The following MACROD2 variants were observed in gnomAD, a reference collection of about 807,000 sequenced individuals.
The protein encoded by MACROD2 is mono-ADP ribosylhydrolase 2, also known as ADP-ribose glycohydrolase MACROD2.
MACROD2 carries 36 observed loss-of-function variants against 70.4 expected under a neutral mutation model. The observed-to-expected ratio is 0.51, with a 90% CI of 0.39 to 0.68. The LOEUF (loss-of-function observed/expected upper bound fraction) is 0.68. Among genes scored for constraint, MACROD2 ranks in the 30% least tolerant of loss-of-function variants. MACROD2 has a pLI of 0.00. For synonymous variants in MACROD2, 172 were observed against 178.8 expected (o/e 0.96, Z 0.30); for missense variants, 496 against 538.4 (o/e 0.92, Z 0.78).
intron 7 of MACROD2, among the ~76,000 whole-genome samples, chr20:15,474,641 C>G (rs1031415666): frequency 6.6e-6 from 1 of 152,144 alleles, no homozygotes; most frequent in Non-Finnish European, 1.5e-5. Context: ...TACACAGTAA[C>G]TTCATACAAA....
intron 8 of MACROD2, among the ~76,000 whole-genome samples, chr20:15,628,605 T>C (rs1420325361): frequency 1.3e-5 from 2 of 152,222 alleles, no homozygotes; most frequent in Admixed American, 1.3e-4. Context: ...TTTTGTCTAT[T>C]AGAAACTTGG....
intron 5 of MACROD2, among the ~76,000 whole-genome samples, chr20:14,763,989 A>T (rs756743742): frequency 6.6e-6 from 1 of 152,020 alleles, no homozygotes; most frequent in Non-Finnish European, 1.5e-5. Context: ...TGCACTGAGT[A>T]TTTCCAGTTG....
chr20:14,748,106 C>T (rs1486156412), intron 5 of MACROD2, among the ~76,000 whole-genome samples: 2 of 152,046 alleles, frequency 1.3e-5, no homozygotes, highest in Non-Finnish European at 2.9e-5. Flanking sequence ...CCTTGATGAG[C>T]CTTTCCTTCT....
intron 8 of MACROD2, among the ~76,000 whole-genome samples, chr20:15,732,250 AC>A (rs1055478888): frequency 6.6e-6 from 1 of 152,008 alleles, no homozygotes; most frequent in African/African-American, 2.4e-5. Context: ...CACTGTGGAA[AC>A]CCAAATATGC....
chr20:14,163,320 A>G (rs1238897299), intron 3 of MACROD2, among the ~76,000 whole-genome samples: 2 of 152,102 alleles, frequency 1.3e-5, no homozygotes, highest in African/African-American at 4.8e-5. Flanking sequence ...ATCTGCTGTT[A>G]GTCTGATGGG....
intron 8 of MACROD2, among the ~76,000 whole-genome samples, chr20:15,793,878 G>A (rs868760323): frequency 1.2e-3 from 179 of 144,234 alleles, no homozygotes; most frequent in African/African-American, 4.4e-3. Context: ...ATTAAGAATG[G>A]GGATTTACAT....
intron 6 of MACROD2, among the ~76,000 whole-genome samples, chr20:15,329,223 C>A (rs1260157120): frequency 6.6e-6 from 1 of 152,030 alleles, no homozygotes; most frequent in African/African-American, 2.4e-5. Flanking sequence ...CCAGAAGATA[C>A]CATAATGAAA....
At chr20:15,352,417 A>G (rs2078237539) in intron 6 of MACROD2, among the ~76,000 whole-genome samples, 1 of 152,196 alleles carries the variant, frequency 6.6e-6, no homozygotes, top group Non-Finnish European at 1.5e-5. Context: ...TTTATATTCA[A>G]ATTGCTAAAA....
At chr20:15,173,181 C>G (rs1309846947) in intron 5 of MACROD2, among the ~76,000 whole-genome samples, 1 of 150,988 alleles carries the variant, frequency 6.6e-6, no homozygotes, top group Non-Finnish European at 1.5e-5. Flanking sequence ...AAGAAATTAT[C>G]CATTACTATT....
chr20:14,272,642 C>T (rs566000603), intron 3 of MACROD2, among the ~76,000 whole-genome samples: 2 of 143,188 alleles, frequency 1.4e-5, no homozygotes, highest in Admixed American at 7.1e-5. Context: ...TCACACATAA[C>T]AATATTAACT....
chr20:14,192,280 C>A (rs1007544125), intron 3 of MACROD2, among the ~76,000 whole-genome samples: 16 of 151,966 alleles, frequency 1.1e-4, no homozygotes, highest in African/African-American at 3.6e-4. Context: ...CTTCTTGAGG[C>A]TCAGTTTTAT....
chr20:15,275,553 A>T (rs1390685730), intron 6 of MACROD2, among the ~76,000 whole-genome samples: 1 of 152,226 alleles, frequency 6.6e-6, no homozygotes, highest in African/African-American at 2.4e-5. Flanking sequence ...AAGACTCTAG[A>T]TCAAAATGCA....
At chr20:15,183,591 T>C (rs1568622194) in intron 5 of MACROD2, among the ~76,000 whole-genome samples, 3 of 152,170 alleles carry the variant, frequency 2.0e-5, no homozygotes, top group African/African-American at 4.8e-5. Flanking sequence ...CTCTAGTATA[T>C]ACTCAAATAA....
chr20:15,785,435 T>C (rs2051909163), intron 8 of MACROD2, among the ~76,000 whole-genome samples: 1 of 152,158 alleles, frequency 6.6e-6, no homozygotes, highest in African/African-American at 2.4e-5. Context: ...GTCGTGATCC[T>C]GAAAGACGTA....
At chr20:14,861,386 G>A (rs1051139052) in intron 5 of MACROD2, among the ~76,000 whole-genome samples, 1 of 152,052 alleles carries the variant, frequency 6.6e-6, no homozygotes, top group African/African-American at 2.4e-5. Context: ...AGATTTTGAC[G>A]TAATGACTTT....
At chr20:15,758,243 T>C (rs2051378142) in intron 8 of MACROD2, among the ~76,000 whole-genome samples, 1 of 150,140 alleles carries the variant, frequency 6.7e-6, no homozygotes, top group East Asian at 1.9e-4. Flanking sequence ...AATTCTTTTT[T>C]TTTTTTTTTT....
At chr20:14,304,910 C>T (rs2082506688) in intron 3 of MACROD2, among the ~76,000 whole-genome samples, 1 of 152,070 alleles carries the variant, frequency 6.6e-6, no homozygotes, top group Non-Finnish European at 1.5e-5. Flanking sequence ...TGCTCTGGGA[C>T]TTTGCGCTTG....
At chr20:14,047,824 A>G (rs535614172) in intron 2 of MACROD2, among the ~76,000 whole-genome samples, 1 of 152,348 alleles carries the variant, frequency 6.6e-6, no homozygotes, top group African/African-American at 2.4e-5. Context: ...AGCAGTAGAT[A>G]GTAAAATGGT....
intron 9 of MACROD2, among the ~76,000 whole-genome samples, chr20:15,869,921 T>C (rs1428570721): frequency 1.3e-5 from 2 of 152,138 alleles, no homozygotes; most frequent in Admixed American, 1.3e-4. Context: ...AGGTTACATG[T>C]ATTTTACCTT....
Sources: gnomAD v4.1 joint callset for allele counts (sites outside exome capture counted in the v4.1 genomes callset) on GRCh38, gnomAD v4.1.1 for gene constraint, MANE v1.5 for transcripts, NCBI Gene and HGNC (gene_info 2026-07-23, HGNC 2026-07-21) for gene names.